Variants in MTPAP observed in about 807,000 individuals in gnomAD.
MTPAP encodes mitochondrial poly(A) polymerase, also known as poly(A) RNA polymerase, mitochondrial.
In MTPAP, 23 loss-of-function variants were observed where a neutral mutation model predicts 48.7. The observed-to-expected ratio is 0.47, with a 90% CI of 0.34 to 0.67. The LOEUF (loss-of-function observed/expected upper bound fraction) is 0.67. Among genes scored for constraint, MTPAP ranks in the 30% least tolerant of loss-of-function variants. The pLI is 0.01. For missense variants in MTPAP, 614 were observed against 694.3 expected (o/e 0.88, Z 1.30); for synonymous variants, 257 against 254.1 (o/e 1.01, Z -0.11).
At chr10:30,319,381 C>A (rs1018448063) in intron 6 of MTPAP, among the ~76,000 whole-genome samples, 5 of 151,962 alleles carry the variant, frequency 3.3e-5, no homozygotes, top group Non-Finnish European at 5.9e-5. Flanking sequence ...AATATTTTTT[C>A]TTTTAAAAAA....
At chr10:30,333,249 G>T (rs1016060282) in intron 4 of MTPAP, among the ~76,000 whole-genome samples, 2 of 152,106 alleles carry the variant, frequency 1.3e-5, no homozygotes. Context: ...TATTGCTGTT[G>T]ATGGTGGTCA....
At chr10:30,315,742 C>G (rs193278489) in intron 8 of MTPAP, among the ~76,000 whole-genome samples, 2 of 152,252 alleles carry the variant, frequency 1.3e-5, no homozygotes, top group Admixed American at 1.3e-4. Flanking sequence ...GGCATAATAA[C>G]AAGGCAGATG....
In MTPAP at chr10:30,349,207, C is replaced by A; in HGVS notation, c.69G>T (p.Gln23His). ...NLCARRRTRV[Q>H]RPIVRLLSCP... The stretch of plus-strand genomic sequence containing the variant: ...AACTCAAAAGCCTGACGATAGGCCG[C>A]TGGACTCGAGTTCTTCTCCGGGCAC... The change falls in exon 1 of 9, where the codon CAG becomes CAT. Residue 23 changes from glutamine (Q) to histidine (H), a missense_variant. Physicochemically the swap from Gln to His is conservative, Grantham distance 24. This residue lies in a region of MTPAP where 125 missense variants were observed against 111.5 expected (regional missense o/e 1.12). Transcript: ENST00000263063. The A allele has an allele frequency of 6.2e-7, 1 of 1,606,256 alleles. No individual in the cohort carries two copies. Among genetic ancestry groups the A allele is most frequent in the Non-Finnish European group, 8.5e-7 (1 of 1,176,702 alleles).
At chr10:30,332,206 A>G (rs547698542) in intron 4 of MTPAP, among the ~76,000 whole-genome samples, 1 of 150,456 alleles carries the variant, frequency 6.6e-6, no homozygotes, top group Non-Finnish European at 1.5e-5. Flanking sequence ...GAACAAAAAC[A>G]TATTTCCAAA....
chr10:30,330,529 A>G (rs1182793238), intron 4 of MTPAP, among the ~76,000 whole-genome samples: 1 of 152,240 alleles, frequency 6.6e-6, no homozygotes, highest in Non-Finnish European at 1.5e-5. Flanking sequence ...ACTATAAATG[A>G]GAGAATAAAA....
intron 4 of MTPAP, among the ~76,000 whole-genome samples, chr10:30,335,361 C>T (rs777620742): frequency 6.6e-6 from 1 of 152,056 alleles, no homozygotes; most frequent in Non-Finnish European, 1.5e-5. Context: ...TGGCCCCTGC[C>T]TGCAGTCCCA....
intron 6 of MTPAP, among the ~76,000 whole-genome samples, 158 bp from the exon 7 acceptor site, chr10:30,316,368 G>A (rs975908761): frequency 6.6e-6 from 1 of 151,210 alleles, no homozygotes; most frequent in African/African-American, 2.4e-5. Flanking sequence ...TCAGCCTCCC[G>A]GGTAGCTGGG....
rs1388559021 is a variant in MTPAP at position 30,313,880 on chromosome 10, C to G, written c.1478G>C (p.Ser493Thr). 1.2e-5 allele frequency: 20 copies of G among 1,614,114 alleles called. No individual in the cohort carries two copies. The highest frequency in any genetic ancestry group is 1.0e-4 in the Admixed American group (6 of 60,020). The change falls in exon 9 of 9, where the codon AGC becomes ACC. Residue 493 changes from serine (S) to threonine (T), a missense_variant. Ser to Thr is a moderately conservative substitution (Grantham distance 58). This residue lies in a region of MTPAP where 109 missense variants were observed against 100.5 expected (regional missense o/e 1.08). Transcript: ENST00000263063. ...SLNISKNVSQ[S>T]QLQKFVDLAR... ...CAAATCTACAAATTTTTGCAGCTGG[C>G]TTTGACTTACATTTTTGCTTATGTT...
Position 30,313,630 on chromosome 10 carries a change from T to G in MTPAP, c.1728A>C (p.Arg576Ser). 1 of 1,614,208 alleles carries G rather than the reference T, an allele frequency of 6.2e-7. No homozygotes were observed. The highest frequency in any genetic ancestry group is 2.2e-5 in the East Asian group (1 of 44,892). The part of the protein sequence containing the change: ...TENFTKTSGK[R>S]TISTQT ...GCCATCATGTCTGAGTACTAATTGT[T>G]CTCTTCCCACTGGTTTTTGTGAAAT... Residue 576 changes from arginine to serine, a missense_variant, in exon 9 of 9, where the codon AGA (arginine) becomes AGC (serine). Physicochemically the swap from Arg to Ser is moderately radical, Grantham distance 110. Coordinates refer to ENST00000263063, the MANE Select transcript of MTPAP (RefSeq NM_018109.4).
Position 30,341,451 on chromosome 10 carries a change from GT to G in MTPAP, c.330+16del, listed in dbSNP as rs1422214791. On this transcript the variant is annotated intron_variant, in intron 2 of 8. Coordinates refer to ENST00000263063, the MANE Select transcript of MTPAP (RefSeq NM_018109.4). ...AAAAGCATAAACGTTAAGTTAGATT[GT>G]TTTTCAAATACTTACAAAGCTTTCA... is the stretch of plus-strand genomic sequence containing the variant. 1.2e-6 allele frequency: 2 copies of G among 1,609,502 alleles called. No homozygotes were observed. The highest frequency in any genetic ancestry group is 2.7e-5 in the African/African-American group (2 of 74,932).
intron 1 of MTPAP, among the ~76,000 whole-genome samples, chr10:30,344,139 AT>A (rs746840971): frequency 1.1e-4 from 17 of 152,056 alleles, no homozygotes; most frequent in Non-Finnish European, 1.6e-4. Context: ...TCTCAACTCC[AT>A]AGCATGGGTA....
chr10:30,329,125 G>C (rs1355599663), intron 4 of MTPAP, among the ~76,000 whole-genome samples: 1 of 151,978 alleles, frequency 6.6e-6, no homozygotes, highest in Non-Finnish European at 1.5e-5. Flanking sequence ...GTGCAAGCCT[G>C]TAATCCCAGC....
chr10:30,333,633 C>T lies in MTPAP; in HGVS notation c.780+3170G>A, dbSNP rs932432746. On this transcript the variant is annotated intron_variant, in intron 4 of 8. Transcript: ENST00000263063. ...TAATAAAACTGATCCAGGCCGGATG[C>T]GGTGGCTTACGCTTGTAATCCCTAT... Among the ~76,000 whole-genome samples, 3 of 152,154 alleles carry T rather than the reference C, an allele frequency of 2.0e-5. No individual in the cohort carries two copies. In the East Asian group the frequency reaches 5.8e-4, roughly 29 times the overall value.
rs1035251533 is a variant in MTPAP at position 30,341,681 on chromosome 10, A to G, written c.158-41T>C. The G allele has an allele frequency of 6.2e-6, 10 of 1,607,398 alleles. No individual in the cohort carries two copies. The Admixed American group carries it at 1.2e-4, about 19-fold the overall frequency. ...AAACATTTCCACCACACGCACACACACAAAATTTTAAAAATATTTTGATAA... is the reference window on the plus strand; with the variant it reads ...AAACATTTCCACCACACGCACACACGCAAAATTTTAAAAATATTTTGATAA... On this transcript the variant is annotated intron_variant, in intron 1 of 8. Transcript: ENST00000263063.
At chr10:30,318,474 AG>A (rs1840686339) in intron 6 of MTPAP, among the ~76,000 whole-genome samples, 2 of 152,162 alleles carry the variant, frequency 1.3e-5, no homozygotes, top group South Asian at 4.1e-4. Flanking sequence ...TTTGTGATGC[AG>A]TGTCAGTCAC....
chr10:30,323,480 A>C (rs914075032), intron 5 of MTPAP, among the ~76,000 whole-genome samples: 21 of 151,592 alleles, frequency 1.4e-4, no homozygotes, highest in Non-Finnish European at 3.1e-4. Context: ...AAAAGAAATA[A>C]AGAAAATGTA....
At chr10:30,329,214 C>G (rs753751880) in intron 4 of MTPAP, among the ~76,000 whole-genome samples, 3 of 151,698 alleles carry the variant, frequency 2.0e-5, no homozygotes, top group African/African-American at 4.8e-5. Flanking sequence ...TGCCCCTGCA[C>G]TCCAGCCTGG....
rs530186239 is a variant in MTPAP, at chr10:30,332,982, G to A, written c.780+3821C>T. Among the ~76,000 whole-genome samples, 586 of 152,014 alleles carry A rather than the reference G, an allele frequency of 3.9e-3. 2 individuals are homozygous for A. Among genetic ancestry groups the A allele is most frequent in the African/African-American group, 0.013 (552 of 41,470 alleles). On this transcript the variant is annotated intron_variant, in intron 4 of 8. Transcript: ENST00000263063. ...TAAAAATACAAAAAATTAGCTGGGC[G>A]TGGTGGCGGGCGCCTGTAGTCCCAG...
In MTPAP at chr10:30,313,420, G is replaced by T; in HGVS notation, c.*189C>A. ...GCTGATGTTTTAATAAAGTGCCACT[G>T]AGTATCAGACTGATCAAACTGAAAA... is the stretch of plus-strand genomic sequence containing the variant. On this transcript the variant is annotated 3_prime_UTR_variant, in exon 9 of 9. Coordinates refer to ENST00000263063, the MANE Select transcript of MTPAP (RefSeq NM_018109.4). The T allele has an allele frequency of 1.4e-6, 1 of 724,616 alleles. No homozygotes were observed. Among genetic ancestry groups the T allele is most frequent in the Non-Finnish European group, 2.3e-6 (1 of 438,278 alleles). 44.9% of individuals were successfully genotyped at this position (724,616 alleles called of 1,614,324 possible).
Sources: gnomAD v4.1 joint callset for allele counts (sites outside exome capture counted in the v4.1 genomes callset) on GRCh38, gnomAD v4.1.1 for gene constraint, gnomAD v4.1.1 regional missense constraint, MANE v1.5 for transcripts, NCBI Gene and HGNC (gene_info 2026-07-23, HGNC 2026-07-21) for gene names.